METTL24: variants seen among roughly 807,000 people sequenced by gnomAD.
METTL24 encodes methyltransferase like 24.
In METTL24, 29 loss-of-function variants were observed where a neutral mutation model predicts 32.7. That is an observed-to-expected ratio of 0.89 (90% CI 0.66 to 1.21). The LOEUF (loss-of-function observed/expected upper bound fraction) is 1.21, where lower values mean the gene tolerates loss of function less well. Among genes scored for constraint, METTL24 ranks in the 50% most tolerant of loss-of-function variants. METTL24 has a pLI of 0.00. For synonymous variants in METTL24, 163 were observed against 179.5 expected (o/e 0.91, Z 0.73); for missense variants, 439 against 468.1 (o/e 0.94, Z 0.57).
intron 4 of METTL24, among the ~76,000 whole-genome samples, chr6:110,256,574 T>A (rs145917927): frequency 2.6e-5 from 4 of 152,252 alleles, no homozygotes; most frequent in East Asian, 3.9e-4. Context: ...TGATATCCTA[T>A]CAGATAACGA....
Position 110,319,466 on chromosome 6 carries a change from A to T in METTL24, c.417+3308T>A, listed in dbSNP as rs1214120700. ...ATAGATAGATAGATAGATAGATGAC[A>T]GACAGAAAAACAGGCTTTAAAACAT... On this transcript the variant is annotated intron_variant, in intron 2 of 4. Coordinates refer to ENST00000338882, the MANE Select transcript of METTL24 (RefSeq NM_001123364.3). Among the ~76,000 whole-genome samples, 4 of 124,774 alleles carry T rather than the reference A, an allele frequency of 3.2e-5. No homozygotes were observed. In the East Asian group the frequency reaches 7.0e-4, roughly 22 times the overall value. The allele number at this position is 124,774 out of a possible 152,430, so 81.9% of individuals were successfully genotyped here.
At chr6:110,328,418 C>T (rs1261733300) in intron 1 of METTL24, among the ~76,000 whole-genome samples, 1 of 152,194 alleles carries the variant, frequency 6.6e-6, no homozygotes, top group Non-Finnish European at 1.5e-5. Context: ...CCATACGCAA[C>T]TAGTTCATGT....
intron 4 of METTL24, among the ~76,000 whole-genome samples, chr6:110,291,009 T>C (rs750937322): frequency 7.2e-5 from 11 of 152,202 alleles, no homozygotes; most frequent in Non-Finnish European, 1.2e-4. Context: ...GTATCTTGTT[T>C]GGTGGGGTGC....
At chr6:110,337,845 C>A (rs1469951223) in intron 1 of METTL24, among the ~76,000 whole-genome samples, 2 of 152,204 alleles carry the variant, frequency 1.3e-5, no homozygotes, top group Non-Finnish European at 2.9e-5. Context: ...ATAGACCATG[C>A]AAAGCAGGTG....
At chr6:110,281,472 C>T (rs1468745869) in intron 4 of METTL24, among the ~76,000 whole-genome samples, 3 of 151,924 alleles carry the variant, frequency 2.0e-5, no homozygotes, top group South Asian at 2.1e-4. Flanking sequence ...GAAACCCCGT[C>T]TCTACTAAAA....
At chr6:110,356,438 G>A (rs899224087) in intron 1 of METTL24, among the ~76,000 whole-genome samples, 1 of 151,530 alleles carries the variant, frequency 6.6e-6, no homozygotes, top group Non-Finnish European at 1.5e-5. Context: ...GCAAGACTCC[G>A]GCTCAAATAA....
intron 1 of METTL24, among the ~76,000 whole-genome samples, chr6:110,352,054 T>C (rs1772614543): frequency 6.6e-6 from 1 of 152,222 alleles, no homozygotes; most frequent in Non-Finnish European, 1.5e-5. Context: ...CCAGTTCCTG[T>C]TCATAACCAA....
chr6:110,358,303 C>T lies in METTL24; in HGVS notation c.-31G>A. 7.1e-7 allele frequency: 1 copy of T among 1,415,282 alleles called. No individual in the cohort carries two copies. The highest frequency in any genetic ancestry group is 9.2e-7 in the Non-Finnish European group (1 of 1,088,984). The allele number at this position is 1,415,282 out of a possible 1,614,324, so 87.7% of individuals were successfully genotyped here. A position where few individuals can be genotyped will look rare whatever the true frequency, so the allele number is the denominator to read the frequency against. ...TACACTCGGGGTCCCGCGGGCCGCG[C>T]CTGGCCGGCAGCAGGGATGTAGCCC... On this transcript the variant is annotated 5_prime_UTR_variant, in exon 1 of 5. Coordinates refer to ENST00000338882, the MANE Select transcript of METTL24 (RefSeq NM_001123364.3).
chr6:110,246,622 A>T (rs1778168336), intron 4 of METTL24, among the ~76,000 whole-genome samples: 1 of 152,224 alleles, frequency 6.6e-6, no homozygotes, highest in South Asian at 2.1e-4. Flanking sequence ...GGCAAAAATC[A>T]CAACAGACCC....
At chr6:110,248,132 C>T in intron 4 of METTL24, among the ~76,000 whole-genome samples, 1 of 152,136 alleles carries the variant, frequency 6.6e-6, no homozygotes, top group East Asian at 1.9e-4. Flanking sequence ...CGCCTTCCAC[C>T]ATGTTTGTAA....
Position 110,299,075 on chromosome 6 carries a change from A to G in METTL24, c.633T>C (p.Ser211=). The G allele has an allele frequency of 6.2e-7, 1 of 1,614,198 alleles. No individual in the cohort carries two copies. The highest frequency in any genetic ancestry group is 8.5e-7 in the Non-Finnish European group (1 of 1,180,028). Residue 211 remains serine (S), a synonymous_variant, in exon 4 of 5, where the codon AGT becomes AGC. Transcript: ENST00000338882. ...NGCEVHRFDP[S]VKSAHILESQ... ...TCTCCAGAATGTGAGCTGACTTGAC[A>G]CTAGGATCAAAACGATGCACTTCAC...
At chr6:110,263,460 G>A (rs7758053) in intron 4 of METTL24, among the ~76,000 whole-genome samples, 10,874 of 152,160 alleles carry the variant, frequency 0.071, 575 homozygotes, top group African/African-American at 0.16. Context: ...ACTGCTCAAC[G>A]AAATAAAAGA....
intron 4 of METTL24, among the ~76,000 whole-genome samples, chr6:110,252,836 A>T (rs1778307348): frequency 1.3e-5 from 2 of 152,116 alleles, no homozygotes; most frequent in Non-Finnish European, 2.9e-5. Context: ...GGATCAACCT[A>T]TGTGGTCACA....
intron 3 of METTL24, among the ~76,000 whole-genome samples, chr6:110,314,912 C>T (rs1186097402): frequency 1.3e-5 from 2 of 151,786 alleles, no homozygotes; most frequent in Admixed American, 6.6e-5. Context: ...TGCAGTGAGC[C>T]GTGATCATGC....
intron 4 of METTL24, among the ~76,000 whole-genome samples, chr6:110,268,272 C>G (rs766694827): frequency 1.3e-5 from 2 of 151,030 alleles, no homozygotes; most frequent in Non-Finnish European, 3.0e-5. Flanking sequence ...GATTCAGAGA[C>G]ATTAAACAAT....
At chr6:110,277,790 G>T (rs7767463) in intron 4 of METTL24, among the ~76,000 whole-genome samples, 3,377 of 152,064 alleles carry the variant, frequency 0.022, 151 homozygotes, top group African/African-American at 0.076. Flanking sequence ...AATTTGTTTA[G>T]ATTACAAACA....
intron 4 of METTL24, among the ~76,000 whole-genome samples, chr6:110,265,963 C>G (rs1322025859): frequency 6.6e-6 from 1 of 151,634 alleles, no homozygotes; most frequent in African/African-American, 2.4e-5. Flanking sequence ...TGTGGTGGTA[C>G]AGTCACAGCT....
chr6:110,263,794 C>T (rs1213160396), intron 4 of METTL24, among the ~76,000 whole-genome samples: 1 of 152,148 alleles, frequency 6.6e-6, no homozygotes, highest in Non-Finnish European at 1.5e-5. Context: ...TGGAACAGAA[C>T]AGAGCCCTCA....
intron 1 of METTL24, among the ~76,000 whole-genome samples, chr6:110,350,922 C>T (rs1772588068): frequency 6.6e-6 from 1 of 152,258 alleles, no homozygotes; most frequent in East Asian, 1.9e-4. Flanking sequence ...GCCTGGCCAA[C>T]AGAGTGAAAC....
Sources: allele counts gnomAD v4.1 joint callset (sites outside exome capture counted in the v4.1 genomes callset), GRCh38; gene constraint gnomAD v4.1.1; transcripts MANE v1.5; gene names NCBI Gene and HGNC (gene_info 2026-07-23, HGNC 2026-07-21).